ELFN2: variants seen among roughly 807,000 people sequenced by gnomAD.
The protein encoded by ELFN2 is extracellular leucine rich repeat and fibronectin type III domain containing 2, also known as protein phosphatase 1 regulatory subunit 29.
A neutral mutation model predicts 45.5 loss-of-function variants in ELFN2; 17 were observed. The observed-to-expected ratio is 0.37, with a 90% CI of 0.26 to 0.56. The LOEUF (loss-of-function observed/expected upper bound fraction) is 0.56, where lower values mean the gene tolerates loss of function less well. Ranked by LOEUF, ELFN2 falls within the 20% of genes least tolerant of loss-of-function variation. ELFN2 has a pLI of 0.77. For synonymous variants in ELFN2, 550 were observed against 551.5 expected (o/e 1.00, Z 0.04); for missense variants, 922 against 1,183.2 (o/e 0.78, Z 3.24).
chr22:37,409,239 G>A (rs11704269), intron 2 of ELFN2, among the ~76,000 whole-genome samples: 4,195 of 152,236 alleles, frequency 0.028, 78 homozygotes, highest in Non-Finnish European at 0.038. Flanking sequence ...CCCCAGCTCC[G>A]GAAGGCCCGG....
intron 1 of ELFN2, among the ~76,000 whole-genome samples, chr22:37,358,761 G>T (rs1196839066): frequency 2.0e-5 from 3 of 152,222 alleles, no homozygotes; most frequent in African/African-American, 7.2e-5. Context: ...CCAGATGTGG[G>T]CCCACTGGCT....
chr22:37,343,127 C>G lies in ELFN2; in HGVS notation n.149-424G>C, dbSNP rs114141577. On this transcript the variant is annotated intron_variant and non_coding_transcript_variant, in intron 1 of 2. Transcript: ENST00000452946. ...GGCCCTCAGAGGGACCGGAACTTGCCGAGGACACACAGTGAGGCCACAGCA... is the reference window on the plus strand; with the variant it reads ...GGCCCTCAGAGGGACCGGAACTTGCGGAGGACACACAGTGAGGCCACAGCA... Among the ~76,000 whole-genome samples, 595 of 152,140 alleles carry G rather than the reference C, an allele frequency of 3.9e-3. 2 individuals are homozygous for G. Among genetic ancestry groups the G allele is most frequent in the African/African-American group, 0.014 (573 of 41,522 alleles).
At chr22:37,401,014 C>T (rs901252375) in intron 2 of ELFN2, among the ~76,000 whole-genome samples, 5 of 152,248 alleles carry the variant, frequency 3.3e-5, no homozygotes, top group Admixed American at 6.5e-5. Flanking sequence ...TGGCAATGAC[C>T]TCAACAGACA....
At chr22:37,353,516 G>T (rs377646499) in intron 1 of ELFN2, 2 of 151,048 alleles carry the variant, frequency 1.3e-5, no homozygotes, top group African/African-American at 2.4e-5. Context: ...GCAAGAAGCC[G>T]CACAGCGGGA....
At chr22:37,391,763 G>A (rs1035354273) in intron 2 of ELFN2, among the ~76,000 whole-genome samples, 2 of 152,190 alleles carry the variant, frequency 1.3e-5, no homozygotes, top group African/African-American at 2.4e-5. Context: ...TTACATGACA[G>A]GGAGAGAAAC....
intron 2 of ELFN2, chr22:37,385,394 C>G (rs1451439629): frequency 6.6e-6 from 1 of 152,256 alleles, no homozygotes; most frequent in Non-Finnish European, 1.5e-5. Flanking sequence ...CCTGTTTCAT[C>G]TGGATGGTGG....
intron 1 of ELFN2, among the ~76,000 whole-genome samples, chr22:37,350,002 C>T (rs1365826817): frequency 5.3e-5 from 8 of 150,788 alleles, no homozygotes; most frequent in African/African-American, 1.7e-4. Context: ...GAGTGGTGCG[C>T]GCCCACAGCA....
At position 37,350,761 on chromosome 22, in the gene ELFN2, C is replaced by G. The variant is rs1454630377; in HGVS notation, n.149-8058G>C. Reference sequence around the variant, plus strand: ...GCTCCACGCTGGCTGTGGGCAGCCACCGAGAGGGGCCGCTGGGAGGCGGGA... The same window carrying G: ...GCTCCACGCTGGCTGTGGGCAGCCAGCGAGAGGGGCCGCTGGGAGGCGGGA... On this transcript the variant is annotated intron_variant and non_coding_transcript_variant, in intron 1 of 2. Transcript: ENST00000452946. Among the ~76,000 whole-genome samples, 6 of 150,388 alleles carry G rather than the reference C, an allele frequency of 4.0e-5. 1 individual carries two copies. The highest frequency in any genetic ancestry group is 1.5e-4 in the African/African-American group (6 of 41,246).
chr22:37,373,078 C>T lies in ELFN2; in HGVS notation c.2457G>A (p.Lys819=). 6.3e-7 allele frequency: 1 copy of T among 1,589,842 alleles called. No individual in the cohort carries two copies. Among genetic ancestry groups the T allele is most frequent in the South Asian group, 1.1e-5 (1 of 88,714 alleles). ...DYWKGVSAQQ[K]L ...CCAGGGAGGAAGGGGGGGGTCACAG[C>T]TTCTGCTGGGCGGAGACCCCCTTCC... Residue 819 remains lysine, a synonymous_variant, in exon 3 of 3, where the codon AAG becomes AAA. Coordinates refer to ENST00000402918, the MANE Select transcript of ELFN2 (RefSeq NM_052906.5).
intron 2 of ELFN2, among the ~76,000 whole-genome samples, chr22:37,408,394 GC>G (rs1258895265): frequency 6.6e-6 from 1 of 152,248 alleles, no homozygotes; most frequent in Non-Finnish European, 1.5e-5. Flanking sequence ...CTTGGCAGCG[GC>G]CCACCATGTG....
At chr22:37,421,134 C>T (rs1932806211) in intron 1 of ELFN2, among the ~76,000 whole-genome samples, 1 of 152,148 alleles carries the variant, frequency 6.6e-6, no homozygotes, top group Admixed American at 6.5e-5. Context: ...AATTTCTTGG[C>T]GCAGCATGGA....
chr22:37,358,533 T>C (rs576468310), intron 1 of ELFN2, among the ~76,000 whole-genome samples: 1 of 152,340 alleles, frequency 6.6e-6, no homozygotes, highest in East Asian at 1.9e-4. Context: ...GCATCCCGAT[T>C]AGATACAACC....
intron 2 of ELFN2, among the ~76,000 whole-genome samples, chr22:37,410,216 G>C (rs1414561976): frequency 1.3e-5 from 2 of 152,154 alleles, no homozygotes; most frequent in Non-Finnish European, 2.9e-5. Flanking sequence ...CAAAGAGACA[G>C]GGAGAGAGAG....
At chr22:37,395,152 T>C (rs1932182339) in intron 2 of ELFN2, among the ~76,000 whole-genome samples, 2 of 134,768 alleles carry the variant, frequency 1.5e-5, no homozygotes. Flanking sequence ...TAAATAAATA[T>C]TGTTGGATTA....
intron 1 of ELFN2, among the ~76,000 whole-genome samples, chr22:37,346,308 C>T (rs539371291): frequency 2.0e-5 from 3 of 152,158 alleles, no homozygotes; most frequent in Non-Finnish European, 4.4e-5. Flanking sequence ...GGGCCCTGGC[C>T]GGAGCAGGTG....
intron 2 of ELFN2, among the ~76,000 whole-genome samples, chr22:37,414,787 T>C (rs1932737073): frequency 6.6e-6 from 1 of 151,964 alleles, no homozygotes; most frequent in Admixed American, 6.6e-5. Context: ...CTCACTACAT[T>C]CCCCCTTCCC....
intron 2 of ELFN2, among the ~76,000 whole-genome samples, chr22:37,377,116 G>A (rs370748968): frequency 5.2e-4 from 79 of 152,322 alleles, no homozygotes; most frequent in African/African-American, 1.6e-3. Context: ...GACTCATGCC[G>A]CCCATTTGCA....
At chr22:37,362,607 C>T (rs1931117408) in intron 1 of ELFN2, among the ~76,000 whole-genome samples, 1 of 152,224 alleles carries the variant, frequency 6.6e-6, no homozygotes, top group African/African-American at 2.4e-5. Context: ...TGGGCCCTGA[C>T]CTCCAGGGGA....
chr22:37,361,834 A>G (rs948615227), intron 1 of ELFN2, among the ~76,000 whole-genome samples: 1 of 152,168 alleles, frequency 6.6e-6, no homozygotes, highest in African/African-American at 2.4e-5. Flanking sequence ...TGGCCTCCCT[A>G]AATGTGGTGG....
Sources: allele counts gnomAD v4.1 joint callset (sites outside exome capture counted in the v4.1 genomes callset), GRCh38; gene constraint gnomAD v4.1.1; transcripts MANE v1.5; gene names NCBI Gene and HGNC (gene_info 2026-07-23, HGNC 2026-07-21).